The following CSMD1 variants were observed in gnomAD, a reference collection of about 807,000 sequenced individuals.
The protein encoded by CSMD1 is CUB and Sushi multiple domains 1.
Under a neutral mutation model 417.5 loss-of-function variants are expected in CSMD1, and 213 were observed. The ratio of observed to expected loss-of-function variants is 0.51; its 90% CI spans 0.46 to 0.57. The LOEUF (loss-of-function observed/expected upper bound fraction) is 0.57, where lower values mean the gene tolerates loss of function less well. CSMD1 is among the 20% of genes least tolerant of loss of function. The probability of loss-of-function intolerance (pLI) is 0.00; values close to 1 mark genes in which losing one functional copy is unlikely to be tolerated. For synonymous variants in CSMD1, 2,862 were observed against 1,736.8 expected (o/e 1.65, Z -16.11); for missense variants, 6,923 against 4,529.7 (o/e 1.53, Z -15.17).
chr8:4,161,236 TC>T lies in CSMD1; in HGVS notation c.416-129138del, dbSNP rs556010254. Among the ~76,000 whole-genome samples, 14 of 152,246 alleles carry T rather than the reference TC, an allele frequency of 9.2e-5. No homozygotes were observed. In the South Asian group the frequency reaches 2.7e-3, roughly 29 times the overall value. ...ATGAACAACCCTCTAAAGCAAGCAC[TC>T]TTACCATCTGCATTTACATGTGAGC... On this transcript the variant is annotated intron_variant, in intron 3 of 69. Transcript: ENST00000635120.
At chr8:3,342,489 A>C (rs1357227347) in intron 23 of CSMD1, among the ~76,000 whole-genome samples, 1 of 152,196 alleles carries the variant, frequency 6.6e-6, no homozygotes, top group African/African-American at 2.4e-5. Flanking sequence ...ATTTTAATTA[A>C]TTAGTTAATT....
intron 54 of CSMD1, among the ~76,000 whole-genome samples, chr8:2,984,899 A>G (rs113253566): frequency 3.3e-5 from 5 of 152,362 alleles, no homozygotes; most frequent in African/African-American, 1.2e-4. Context: ...ACGTTTGACT[A>G]CACATCACCT....
intron 1 of CSMD1, among the ~76,000 whole-genome samples, chr8:4,818,442 C>G (rs1006926178): frequency 1.8e-4 from 28 of 152,224 alleles, no homozygotes; most frequent in African/African-American, 6.7e-4. Context: ...TACAAGAGAG[C>G]TCAGTAAATC....
chr8:4,338,121 G>A (rs1800276297), intron 3 of CSMD1, among the ~76,000 whole-genome samples: 1 of 152,018 alleles, frequency 6.6e-6, no homozygotes, highest in Non-Finnish European at 1.5e-5. Flanking sequence ...ATTAATTTGA[G>A]AATTACTATG....
At chr8:4,178,152 CTTGATGCAGA>C (rs1798159078) in intron 3 of CSMD1, among the ~76,000 whole-genome samples, 2 of 152,256 alleles carry the variant, frequency 1.3e-5, no homozygotes, top group South Asian at 2.1e-4. Flanking sequence ...GACCAATATC[CTTGATGCAGA>C]TTGATGCAGA....
chr8:4,606,630 G>T (rs1222773338), intron 2 of CSMD1, among the ~76,000 whole-genome samples: 1 of 152,106 alleles, frequency 6.6e-6, no homozygotes, highest in Non-Finnish European at 1.5e-5. Context: ...AGACAAATAT[G>T]GGCTTAAGAT....
In CSMD1 at chr8:4,033,728, C is replaced by G. The variant is rs113915471; in HGVS notation, c.416-1629G>C. ...TACACAGTTTGACTCTTTTCATTGA[C>G]AATTTCAATAATGGGGTATTGATTC... On this transcript the variant is annotated intron_variant, in intron 3 of 69. Coordinates refer to ENST00000635120, the MANE Select transcript of CSMD1 (RefSeq NM_033225.6). 4.4e-3 allele frequency among the ~76,000 whole-genome samples: 669 copies of G among 152,282 alleles called. 5 individuals are homozygous for G. The highest frequency in any genetic ancestry group is 0.015 in the African/African-American group (635 of 41,562).
intron 3 of CSMD1, among the ~76,000 whole-genome samples, chr8:4,336,944 A>T (rs886767262): frequency 9.9e-5 from 15 of 152,208 alleles, no homozygotes; most frequent in African/African-American, 3.1e-4. Flanking sequence ...TGTAGGCTAC[A>T]ATGTTGAAAT....
intron 1 of CSMD1, chr8:4,787,548 GA>G: frequency 2.8e-6 from 4 of 1,423,234 alleles, no homozygotes; most frequent in Non-Finnish European, 3.9e-6. Context: ...GCCTTCACCA[GA>G]AAATGTGGGG....
intron 3 of CSMD1, among the ~76,000 whole-genome samples, chr8:4,047,629 G>C (rs189414772): frequency 1.2e-4 from 18 of 152,190 alleles, no homozygotes; most frequent in African/African-American, 4.1e-4. Flanking sequence ...CACTAGGAAT[G>C]CAATATCGCC....
chr8:4,284,356 G>A (rs1345833161), intron 3 of CSMD1, among the ~76,000 whole-genome samples: 3 of 151,758 alleles, frequency 2.0e-5, no homozygotes, highest in Non-Finnish European at 4.4e-5. Context: ...GGACAAGAGA[G>A]AAACTACAAC....
chr8:4,137,310 G>A (rs1002182573), intron 3 of CSMD1, among the ~76,000 whole-genome samples: 10 of 152,114 alleles, frequency 6.6e-5, no homozygotes, highest in Non-Finnish European at 1.3e-4. Context: ...ACGTGTCAGT[G>A]GCACTCAGGC....
intron 3 of CSMD1, among the ~76,000 whole-genome samples, chr8:4,055,966 C>A (rs1798668270): frequency 6.6e-6 from 1 of 152,054 alleles, no homozygotes; most frequent in African/African-American, 2.4e-5. Context: ...CACACCCTAC[C>A]TGAGTTTTCC....
At chr8:3,754,652 G>T (rs6981289) in intron 5 of CSMD1, among the ~76,000 whole-genome samples, 1 of 152,098 alleles carries the variant, frequency 6.6e-6, no homozygotes, top group African/African-American at 2.4e-5. Context: ...ACAAGGTTTT[G>T]CCGTGTTGGC....
chr8:4,653,078 A>T (rs1804011486), intron 1 of CSMD1, among the ~76,000 whole-genome samples: 1 of 151,978 alleles, frequency 6.6e-6, no homozygotes, highest in African/African-American at 2.4e-5. Context: ...GCTCTAGAGG[A>T]TGTGTTTATG....
chr8:3,049,073 T>TG lies in CSMD1; in HGVS notation c.7660+3388dup, dbSNP rs1811646724. The stretch of plus-strand genomic sequence containing the variant: ...ATGAGAATGGCCAAAATCCAGACAC[T>TG]GATAGCACCAGATGCTCGCGACAAC... On this transcript the variant is annotated intron_variant, in intron 50 of 69. Transcript: ENST00000635120. 3.3e-5 allele frequency among the ~76,000 whole-genome samples: 5 copies of TG among 152,116 alleles called. No homozygotes were observed. In the South Asian group the frequency reaches 1.0e-3, roughly 32 times the overall value.
intron 11 of CSMD1, among the ~76,000 whole-genome samples, chr8:3,471,009 T>A (rs1332868261): frequency 6.6e-6 from 1 of 152,174 alleles, no homozygotes; most frequent in Non-Finnish European, 1.5e-5. Context: ...TGTGTGAGCA[T>A]AAATCTTCAT....
In CSMD1 at chr8:3,411,825, T is replaced by TGTATATATGCAC. The variant is rs1363464681; in HGVS notation, c.1562-2232_1562-2221dup. ...ATATACACGTATATATACGTGTATA[T>TGTATATATGCAC]GTATATATGCACGTATATATGCACG... On this transcript the variant is annotated intron_variant, in intron 12 of 69. Coordinates refer to ENST00000635120, the MANE Select transcript of CSMD1 (RefSeq NM_033225.6). 1.7e-4 allele frequency among the ~76,000 whole-genome samples: 11 copies of TGTATATATGCAC among 64,248 alleles called. 1 individual carries two copies. Among genetic ancestry groups the TGTATATATGCAC allele is most frequent in the East Asian group, 6.1e-4 (1 of 1,628 alleles). The allele number at this position is 64,248 out of a possible 152,430, so 42.1% of individuals were successfully genotyped here.
intron 2 of CSMD1, among the ~76,000 whole-genome samples, chr8:4,550,723 A>C (rs1563278492): frequency 6.6e-6 from 1 of 152,190 alleles, no homozygotes; most frequent in Non-Finnish European, 1.5e-5. Flanking sequence ...CCACAGTGTC[A>C]CATGTTTAAA....
Sources: allele counts gnomAD v4.1 joint callset (sites outside exome capture counted in the v4.1 genomes callset), GRCh38; gene constraint gnomAD v4.1.1; transcripts MANE v1.5; gene names NCBI Gene and HGNC (gene_info 2026-07-23, HGNC 2026-07-21).